The following MARK1 variants were observed in gnomAD, a reference collection of about 807,000 sequenced individuals.
The protein encoded by MARK1 is serine/threonine-protein kinase MARK1.
In MARK1, 40 loss-of-function variants were observed where a neutral mutation model predicts 96.3. The ratio of observed to expected loss-of-function variants is 0.42; its 90% CI spans 0.32 to 0.54. The LOEUF (loss-of-function observed/expected upper bound fraction) is 0.54, where lower values mean the gene tolerates loss of function less well. Ranked by LOEUF, MARK1 falls within the 20% of genes least tolerant of loss-of-function variation. MARK1 has a pLI of 0.16. For synonymous variants in MARK1, 317 were observed against 341.2 expected, an observed-to-expected ratio of 0.93 and a Z score of 0.78; for missense variants, 719 against 984.6, an observed-to-expected ratio of 0.73 and a Z score of 3.61.
At chr1:220,642,096 C>T (rs1246182585) in intron 13 of MARK1, among the ~76,000 whole-genome samples, 2 of 152,202 alleles carry the variant, frequency 1.3e-5, no homozygotes, top group Admixed American at 6.5e-5. Context: ...TGTCCACTCC[C>T]GTGGAAAGGG....
At chr1:220,564,455 ATTAT>A (rs1233752109) in intron 1 of MARK1, among the ~76,000 whole-genome samples, 2 of 152,162 alleles carry the variant, frequency 1.3e-5, no homozygotes, top group African/African-American at 4.8e-5. Flanking sequence ...CATACAATTA[ATTAT>A]TTAATTATAG....
intron 1 of MARK1, among the ~76,000 whole-genome samples, chr1:220,530,583 T>C (rs956310408): frequency 6.6e-6 from 1 of 152,226 alleles, no homozygotes; most frequent in Non-Finnish European, 1.5e-5. Flanking sequence ...CTCATACTTG[T>C]ATGAATAAGG....
intron 1 of MARK1, among the ~76,000 whole-genome samples, chr1:220,551,878 A>G (rs1024867889): frequency 7.9e-5 from 12 of 152,280 alleles, no homozygotes; most frequent in African/African-American, 2.9e-4. Context: ...CAAACACTTC[A>G]GCTGAGTTTT....
chr1:220,658,787 C>CAAACAAA (rs1428684937), intron 17 of MARK1, among the ~76,000 whole-genome samples: 3 of 152,168 alleles, frequency 2.0e-5, no homozygotes, highest in Non-Finnish European at 2.9e-5. Flanking sequence ...TTTTAACAAA[C>CAAACAAA]TGTGCTATAT....
At position 220,650,630 on chromosome 1, in the gene MARK1, A is replaced by G; in HGVS notation, c.1481A>G (p.Tyr494Cys). The G allele has an allele frequency of 6.2e-7, 1 of 1,602,200 alleles. No homozygotes were observed. Among genetic ancestry groups the G allele is most frequent in the Non-Finnish European group, 8.5e-7 (1 of 1,169,620 alleles). ...KSSTIPSNNV[Y>C]SGGSMARRNT... is the part of the protein sequence containing the mutation. ...TTTTTATTCTTGAAGAACAATGTGTATTCTGGAGGTAGCATGGCAAGAAGG... is the reference window on the plus strand; with the variant it reads ...TTTTTATTCTTGAAGAACAATGTGTGTTCTGGAGGTAGCATGGCAAGAAGG... Residue 494 changes from tyrosine to cysteine, a missense_variant, in exon 14 of 18, where the codon TAT becomes TGT. Transcript: ENST00000366917.
Position 220,655,238 on chromosome 1 carries a change from C to T in MARK1, c.1988+1886C>T, listed in dbSNP as rs577414878. Among the ~76,000 whole-genome samples the T allele has an allele frequency of 1.4e-3, 217 of 152,234 alleles. 1 individual carries two copies. Among genetic ancestry groups the T allele is most frequent in the South Asian group, 3.1e-3 (15 of 4,804 alleles). On this transcript the variant is annotated intron_variant, in intron 16 of 17. Transcript: ENST00000366917. ...TGCCCCAGAGCTCAGTCTTTGGACACATTTTTTTCTCTGGTTTTCCTTACA... is the reference window on the plus strand; with the variant it reads ...TGCCCCAGAGCTCAGTCTTTGGACATATTTTTTTCTCTGGTTTTCCTTACA...
intron 7 of MARK1, among the ~76,000 whole-genome samples, chr1:220,617,282 G>A (rs1368623693): frequency 1.3e-5 from 2 of 151,988 alleles, no homozygotes; most frequent in Non-Finnish European, 2.9e-5. Flanking sequence ...AAAATAAAAT[G>A]AAAACAAATA....
At chr1:220,628,175 C>G (rs1464493629) in intron 9 of MARK1, 1 of 152,240 alleles carries the variant, frequency 6.6e-6, no homozygotes, top group African/African-American at 2.4e-5. Flanking sequence ...CAGTATCTCA[C>G]CCCTTCAAAA....
chr1:220,605,622 C>T (rs1242293351), intron 6 of MARK1, among the ~76,000 whole-genome samples: 2 of 151,928 alleles, frequency 1.3e-5, no homozygotes, highest in African/African-American at 4.8e-5. Flanking sequence ...CCCATCAACT[C>T]ATCATTTACA....
chr1:220,620,360 C>A (rs573755367), intron 9 of MARK1, among the ~76,000 whole-genome samples: 1 of 152,056 alleles, frequency 6.6e-6, no homozygotes, highest in Non-Finnish European at 1.5e-5. Flanking sequence ...ACTCTCATAT[C>A]AGTTCTAAAA....
At chr1:220,564,585 C>T (rs1433942660) in intron 1 of MARK1, among the ~76,000 whole-genome samples, 1 of 152,104 alleles carries the variant, frequency 6.6e-6, no homozygotes, top group East Asian at 1.9e-4. Context: ...AATTACAACT[C>T]AGGTGGCCTG....
At chr1:220,624,512 C>T (rs2102987180) in intron 9 of MARK1, among the ~76,000 whole-genome samples, 1 of 150,444 alleles carries the variant, frequency 6.6e-6, no homozygotes, top group African/African-American at 2.4e-5. Context: ...GCAGGAGAAT[C>T]GCTTGAACCT....
chr1:220,530,607 CATG>C (rs1660254688), intron 1 of MARK1, among the ~76,000 whole-genome samples: 1 of 152,128 alleles, frequency 6.6e-6, no homozygotes, highest in Admixed American at 6.5e-5. Flanking sequence ...TTCATAAAGA[CATG>C]AGATATAATT....
In MARK1 at chr1:220,618,220, A is replaced by T. The variant is rs1646906555; in HGVS notation, c.553-90A>T. 1 of 785,470 alleles carries T rather than the reference A, an allele frequency of 1.3e-6. No homozygotes were observed. Among genetic ancestry groups the T allele is most frequent in the African/African-American group, 1.7e-5 (1 of 57,370 alleles). The allele number at this position is 785,470 out of a possible 1,614,324, so 48.7% of individuals were successfully genotyped here. A position where few individuals can be genotyped will look rare whatever the true frequency, so the allele number is the denominator to read the frequency against. On this transcript the variant is annotated intron_variant, in intron 7 of 17. Transcript: ENST00000366917. This position sits in a 1 kb window ranked among gnomAD's most constrained non-coding sequence, Gnocchi z 4.6. ...TACATTTAGAAATGAGGGGCAAGAG[A>T]TATGTAAGTTTGGAAGCTAAAACTC...
At chr1:220,621,163 C>CT (rs1667032251) in intron 9 of MARK1, among the ~76,000 whole-genome samples, 1 of 151,848 alleles carries the variant, frequency 6.6e-6, no homozygotes, top group Non-Finnish European at 1.5e-5. Context: ...GCACTTCTTG[C>CT]TTTGTCATAA....
chr1:220,595,383 T>C (rs1285359443), intron 3 of MARK1, among the ~76,000 whole-genome samples: 1 of 152,190 alleles, frequency 6.6e-6, no homozygotes, highest in Non-Finnish European at 1.5e-5. Context: ...TTTTAAAACC[T>C]GTTAGCCCTG....
chr1:220,573,898 A>G (rs573191683), intron 1 of MARK1, among the ~76,000 whole-genome samples: 8 of 151,980 alleles, frequency 5.3e-5, no homozygotes, highest in African/African-American at 1.9e-4. Context: ...TAGAATTGCC[A>G]TTTGTCTCTT....
At chr1:220,528,976 C>A in intron 1 of MARK1, 103 bp downstream of exon 1, 2 of 1,208,728 alleles carry the variant, frequency 1.7e-6, no homozygotes, top group South Asian at 3.0e-5. Context: ...GCGCGGCCAC[C>A]CGCGGCAGGG....
At position 220,618,223 on chromosome 1, in the gene MARK1, T is replaced by C. The variant is rs945945819; in HGVS notation, c.553-87T>C. 2 of 820,132 alleles carry C rather than the reference T, an allele frequency of 2.4e-6. No homozygotes were observed. Among genetic ancestry groups the C allele is most frequent in the African/African-American group, 1.7e-5 (1 of 58,048 alleles). 50.8% of individuals were successfully genotyped at this position (820,132 alleles called of 1,614,324 possible). On this transcript the variant is annotated intron_variant, in intron 7 of 17. Coordinates refer to ENST00000366917, the MANE Select transcript of MARK1 (RefSeq NM_018650.5). This position sits in a 1 kb window ranked among gnomAD's most constrained non-coding sequence, Gnocchi z 4.6. ...ATTTAGAAATGAGGGGCAAGAGATA[T>C]GTAAGTTTGGAAGCTAAAACTCTTT... is the stretch of plus-strand genomic sequence containing the variant.
Sources: allele counts gnomAD v4.1 joint callset (sites outside exome capture counted in the v4.1 genomes callset), GRCh38; gene constraint gnomAD v4.1.1; non-coding constraint Gnocchi (gnomAD v3.1); transcripts MANE v1.5; gene names NCBI Gene and HGNC (gene_info 2026-07-23, HGNC 2026-07-21).